TMEM232: variants seen among roughly 807,000 people sequenced by gnomAD.
The protein encoded by TMEM232 is transmembrane protein 232.
In TMEM232, 80 loss-of-function variants were observed where a neutral mutation model predicts 78.8. That is an observed-to-expected ratio of 1.01 (90% CI 0.85 to 1.22). The LOEUF (loss-of-function observed/expected upper bound fraction) is 1.22. Ranked by LOEUF, TMEM232 falls within the 50% of genes most tolerant of loss-of-function variation. The pLI, the probability that TMEM232 is intolerant of heterozygous loss-of-function variation, is 0.00. For missense variants in TMEM232, 881 were observed against 742.2 expected, an observed-to-expected ratio of 1.19 and a Z score of -2.17; for synonymous variants, 297 against 254.3, an observed-to-expected ratio of 1.17 and a Z score of -1.60.
At chr5:110,658,083 T>C (rs1009289538) in intron 2 of TMEM232, among the ~76,000 whole-genome samples, 3 of 152,138 alleles carry the variant, frequency 2.0e-5, no homozygotes, top group African/African-American at 7.2e-5. Context: ...CTGAAGGGAA[T>C]AAATAAAGAG....
chr5:110,624,542 A>C (rs1419861706), intron 7 of TMEM232, among the ~76,000 whole-genome samples: 1 of 152,114 alleles, frequency 6.6e-6, no homozygotes, highest in Non-Finnish European at 1.5e-5. Flanking sequence ...TTTACTGCTA[A>C]AACATTTTTT....
At chr5:110,730,411 T>C (rs190395416), upstream of TMEM232, among the ~76,000 whole-genome samples, 3 of 152,384 alleles carry the variant, frequency 2.0e-5, no homozygotes, top group East Asian at 1.9e-4. Flanking sequence ...TTTGATATTA[T>C]GTGATATCAG....
At chr5:110,687,366 C>G (rs1448735838) in intron 1 of TMEM232, among the ~76,000 whole-genome samples, 1 of 152,116 alleles carries the variant, frequency 6.6e-6, no homozygotes, top group Non-Finnish European at 1.5e-5. Context: ...TTGCAGTCCT[C>G]AAATCTGACC....
At chr5:110,456,757 C>A (rs1760955031) in intron 12 of TMEM232, among the ~76,000 whole-genome samples, 1 of 151,938 alleles carries the variant, frequency 6.6e-6, no homozygotes, top group Non-Finnish European at 1.5e-5. Context: ...GGTTCAAATG[C>A]AATTACAATG....
At chr5:110,591,560 G>T (rs77185670) in intron 10 of TMEM232, among the ~76,000 whole-genome samples, 1,804 of 151,876 alleles carry the variant, frequency 0.012, 33 homozygotes, top group African/African-American at 0.041. Flanking sequence ...ACCTTTACTG[G>T]GCCTTTACCA....
chr5:110,546,398 A>G (rs1022601286), intron 11 of TMEM232, among the ~76,000 whole-genome samples: 6 of 152,092 alleles, frequency 3.9e-5, no homozygotes, highest in African/African-American at 1.4e-4. Flanking sequence ...ATTTATTTTA[A>G]AGCATAAAAA....
chr5:110,638,424 C>G lies in TMEM232; in HGVS notation c.344-69G>C, dbSNP rs1036800679. ...CCTGTTTTTCCACATGCTATAATTA[C>G]TTTTTGTAATTATTTCCTGTCATTA... On this transcript the variant is annotated intron_variant, in intron 4 of 13. Coordinates refer to ENST00000455884, the MANE Select transcript of TMEM232 (RefSeq NM_001039763.4). The G allele has an allele frequency of 1.1e-5, 16 of 1,392,964 alleles. No homozygotes were observed. The African/African-American group carries it at 2.4e-4, about 21-fold the overall frequency. The allele number at this position is 1,392,964 out of a possible 1,614,324, so 86.3% of individuals were successfully genotyped here.
intron 11 of TMEM232, among the ~76,000 whole-genome samples, chr5:110,548,534 G>A (rs925630276): frequency 1.3e-5 from 2 of 151,310 alleles, no homozygotes; most frequent in Non-Finnish European, 2.9e-5. Flanking sequence ...ACGAGTAAAG[G>A]GGGCGGGGTG....
intron 10 of TMEM232, among the ~76,000 whole-genome samples, chr5:110,571,311 G>A (rs1271989818): frequency 6.6e-6 from 1 of 152,032 alleles, no homozygotes; most frequent in Non-Finnish European, 1.5e-5. Context: ...TTGAATTAGG[G>A]AAGTAGGTAG....
chr5:110,556,437 G>C (rs1775103745), intron 11 of TMEM232, among the ~76,000 whole-genome samples: 1 of 151,326 alleles, frequency 6.6e-6, no homozygotes, highest in South Asian at 2.1e-4. Flanking sequence ...ACTCAGGCTG[G>C]AGTGCAGTAG....
chr5:110,670,736 AT>A (rs1473082273), intron 1 of TMEM232, among the ~76,000 whole-genome samples: 2 of 152,068 alleles, frequency 1.3e-5, no homozygotes, highest in Admixed American at 6.6e-5. Context: ...ATTTTCAGGC[AT>A]TTATTTTTCT....
At chr5:110,441,229 C>T (rs2112756702) in intron 12 of TMEM232, among the ~76,000 whole-genome samples, 1 of 152,080 alleles carries the variant, frequency 6.6e-6, no homozygotes, top group East Asian at 1.9e-4. Flanking sequence ...TGGCCTCTGC[C>T]CACTAGATGT....
At position 110,676,749 on chromosome 5, in the gene TMEM232, T is replaced by C. The variant is rs1001954504; in HGVS notation, c.-12-9385A>G. ...CTTCATCTTTTATTTATTTATTTATTTATTTATTTATTTATTTATTTATTT... is the reference window on the plus strand; with the variant it reads ...CTTCATCTTTTATTTATTTATTTATCTATTTATTTATTTATTTATTTATTT... On this transcript the variant is annotated intron_variant, in intron 1 of 13. Coordinates refer to ENST00000455884, the MANE Select transcript of TMEM232 (RefSeq NM_001039763.4). Among the ~76,000 whole-genome samples the C allele has an allele frequency of 3.4e-5, 5 of 148,552 alleles. No homozygotes were observed. In the Admixed American group the frequency reaches 3.4e-4, roughly 10 times the overall value.
At chr5:110,401,501 A>G (rs534109045) in intron 2 of TMEM232, among the ~76,000 whole-genome samples, 16 of 152,136 alleles carry the variant, frequency 1.1e-4, no homozygotes, top group Admixed American at 7.2e-4. Flanking sequence ...CTTATCTTCC[A>G]TCACTTGCTG....
At chr5:110,617,645 C>T (rs1783108980) in intron 8 of TMEM232, among the ~76,000 whole-genome samples, 1 of 151,994 alleles carries the variant, frequency 6.6e-6, no homozygotes, top group African/African-American at 2.4e-5. Flanking sequence ...CAGGAGGAAA[C>T]TAATATTTGT....
intron 2 of TMEM232, among the ~76,000 whole-genome samples, chr5:110,650,400 T>TA (rs2150055060): frequency 6.6e-6 from 1 of 152,112 alleles, no homozygotes; most frequent in East Asian, 1.9e-4. Flanking sequence ...AAGAGTACAG[T>TA]AAGCCAAAGG....
intron 12 of TMEM232, among the ~76,000 whole-genome samples, chr5:110,481,582 C>G (rs1244832211): frequency 1.3e-5 from 2 of 152,006 alleles, no homozygotes; most frequent in Non-Finnish European, 2.9e-5. Context: ...AGAGGTAGTG[C>G]CATTAAATGC....
chr5:110,469,610 A>G lies in TMEM232; in HGVS notation c.1704-44694T>C, dbSNP rs148472561. On this transcript the variant is annotated intron_variant, in intron 12 of 13. Coordinates refer to ENST00000455884, the MANE Select transcript of TMEM232 (RefSeq NM_001039763.4). ...TGGTGCCTTGGTGGAGCTGATTGAT[A>G]TATCCCTCCTAGTTGCTGCTGCACC... is the stretch of plus-strand genomic sequence containing the variant. 3.2e-3 allele frequency among the ~76,000 whole-genome samples: 491 copies of G among 152,312 alleles called. 1 individual carries two copies. The highest frequency in any genetic ancestry group is 0.011 in the African/African-American group (459 of 41,578).
intron 3 of TMEM232, among the ~76,000 whole-genome samples, chr5:110,391,326 T>TGTGTGTGAGAGAGA (rs549361387): frequency 1.5e-4 from 21 of 139,924 alleles, no homozygotes; most frequent in African/African-American, 5.9e-4. Flanking sequence ...TGTGTGTGTG[T>TGTGTGTGAGAGAGA]GAGAGAGAGA....
Sources: allele counts gnomAD v4.1 joint callset (sites outside exome capture counted in the v4.1 genomes callset), GRCh38; gene constraint gnomAD v4.1.1; transcripts MANE v1.5; gene names NCBI Gene and HGNC (gene_info 2026-07-23, HGNC 2026-07-21).